Variants in WDR47 observed in about 807,000 individuals in gnomAD.
WDR47 encodes the protein WD repeat domain 47, also known as WD repeat-containing protein 47.
Under a neutral mutation model 97.2 loss-of-function variants are expected in WDR47, and 32 were observed. That is an observed-to-expected ratio of 0.33 (90% CI 0.25 to 0.44). The LOEUF (loss-of-function observed/expected upper bound fraction) is 0.44, where lower values mean the gene tolerates loss of function less well. Ranked by LOEUF, WDR47 falls within the 20% of genes least tolerant of loss-of-function variation. The pLI, the probability that WDR47 is intolerant of heterozygous loss-of-function variation, is 1.00. For synonymous variants in WDR47, 375 were observed against 373.5 expected, an observed-to-expected ratio of 1.00 and a Z score of -0.05; for missense variants, 782 against 1,102.3, an observed-to-expected ratio of 0.71 and a Z score of 4.11.
intron 13 of WDR47, among the ~76,000 whole-genome samples, chr1:108,978,214 G>A (rs1214606106): frequency 4.7e-5 from 7 of 149,868 alleles, no homozygotes; most frequent in East Asian, 2.0e-4. Context: ...GGTGGCTCAC[G>A]CCTGTAATCC....
At chr1:108,972,991 T>C (rs1657590242) in intron 14 of WDR47, among the ~76,000 whole-genome samples, 1 of 151,462 alleles carries the variant, frequency 6.6e-6, no homozygotes, top group Non-Finnish European at 1.5e-5. Context: ...CTCTGATTTA[T>C]TCTTCTGTGT....
intron 3 of WDR47, 143 bp from the exon 4 acceptor site, chr1:109,014,068 T>C (rs1571220708): frequency 3.5e-6 from 2 of 569,804 alleles, no homozygotes; most frequent in East Asian, 5.7e-5. Context: ...ATAACTGAAG[T>C]TCAGTCACAA....
At position 108,971,276 on chromosome 1, in the gene WDR47, C is replaced by G. The variant is rs1176947955; in HGVS notation, c.*154G>C. The G allele has an allele frequency of 2.9e-6, 3 of 1,028,174 alleles. No homozygotes were observed. In the South Asian group the frequency reaches 5.1e-5, roughly 17 times the overall value. 63.7% of individuals were successfully genotyped at this position (1,028,174 alleles called of 1,614,324 possible). On this transcript the variant is annotated 3_prime_UTR_variant, in exon 15 of 15. Transcript: ENST00000369962. ...TGAAAGCACTGCGGAATAACACCAC[C>G]CAACACCTCCTATCAGTGGGATACA...
intron 13 of WDR47, among the ~76,000 whole-genome samples, chr1:108,978,213 C>A (rs1292171318): frequency 6.6e-6 from 1 of 150,800 alleles, no homozygotes; most frequent in African/African-American, 2.4e-5. Context: ...CGGTGGCTCA[C>A]GCCTGTAATC....
chr1:108,980,535 C>G (rs181297652), intron 13 of WDR47, among the ~76,000 whole-genome samples: 2 of 151,970 alleles, frequency 1.3e-5, no homozygotes, highest in Admixed American at 6.6e-5. Context: ...TTGAGACCAG[C>G]CTGGCCAATA....
rs774124395 is a variant in WDR47, at chr1:109,004,574, A to ATT, written c.1254+17_1254+18insAA. 1.2e-6 allele frequency: 2 copies of ATT among 1,601,226 alleles called. No homozygotes were observed. Among genetic ancestry groups the ATT allele is most frequent in the Admixed American group, 3.5e-5 (2 of 56,452 alleles). Reference sequence around the variant, plus strand: ...AAAGAGAATAACTCTGAAAAACACTAGGTTTAGTAAATATTACCTCATTTT... The same window carrying ATT: ...AAAGAGAATAACTCTGAAAAACACTATTGGTTTAGTAAATATTACCTCATTTT... On this transcript the variant is annotated intron_variant, in intron 6 of 14. Coordinates refer to ENST00000369962, the MANE Select transcript of WDR47 (RefSeq NM_001142551.2).
chr1:108,989,390 T>C (rs1467695932), intron 9 of WDR47, among the ~76,000 whole-genome samples: 1 of 152,264 alleles, frequency 6.6e-6, no homozygotes, highest in Non-Finnish European at 1.5e-5. Flanking sequence ...CCTTTATTCA[T>C]GCAATACATC....
rs1314340193 is a variant in WDR47 at position 109,042,064 on chromosome 1, C to G, written c.-212G>C. On this transcript the variant is annotated 5_prime_UTR_variant, in exon 1 of 15. Transcript: ENST00000369962. ...CCGTCCTTCTCACGTCCGCCCCTCC[C>G]GGCCCAGCGACTCCTCAGCTCAGCC... 1 of 152,472 alleles carries G rather than the reference C, an allele frequency of 6.6e-6. No individual in the cohort carries two copies. The highest frequency in any genetic ancestry group is 1.5e-5 in the Non-Finnish European group (1 of 68,266). 9.4% of individuals were successfully genotyped at this position (152,472 alleles called of 1,614,324 possible). A position where few individuals can be genotyped will look rare whatever the true frequency, so the allele number is the denominator to read the frequency against.
At position 108,983,435 on chromosome 1, in the gene WDR47, T is replaced by G; in HGVS notation, c.1942A>C (p.Lys648Gln). The change falls in exon 11 of 15, where the codon AAG (lysine) becomes CAG (glutamine). Residue 648 changes from lysine to glutamine, a missense_variant. Lys to Gln is a moderately conservative substitution (Grantham distance 53). Transcript: ENST00000369962. ...CTTTTAAAACGTACCACCGGCTGCTTAGGAGTCTCATGTGCACTGAAAAGA... is the reference window on the plus strand; with the variant it reads ...CTTTTAAAACGTACCACCGGCTGCTGAGGAGTCTCATGTGCACTGAAAAGA... Reference protein sequence around the residue: ...VIDPSAHETPKQPVVRFKRNK... With the variant: ...VIDPSAHETPQQPVVRFKRNK... The G allele has an allele frequency of 1.3e-6, 2 of 1,598,940 alleles. No homozygotes were observed. The highest frequency in any genetic ancestry group is 1.7e-6 in the Non-Finnish European group (2 of 1,173,030).
Position 108,970,453 on chromosome 1 carries a change from GA to G in WDR47, c.*976del, listed in dbSNP as rs1341026853. The G allele has an allele frequency of 6.6e-6, 1 of 152,544 alleles. No homozygotes were observed. The highest frequency in any genetic ancestry group is 1.5e-5 in the Non-Finnish European group (1 of 68,020). 9.4% of individuals were successfully genotyped at this position (152,544 alleles called of 1,614,324 possible). On this transcript the variant is annotated 3_prime_UTR_variant, in exon 15 of 15. Transcript: ENST00000369962. ...AAATGTTAGAATCTACAAAGCTGTA[GA>G]AATAAAATCATTATTCTGCATTACA...
rs765698510 is a variant in WDR47 at position 109,023,471 on chromosome 1, G to A, written c.42C>T (p.Ile14=). The change falls in exon 2 of 15, where the codon ATC becomes ATT. Residue 14 remains isoleucine (I), a synonymous_variant. Transcript: ENST00000369962. ...TCAGGAAGTCCAAAATTAGCTTAATGATTTCAACCTCTTTTACATTCACTG... is the reference window on the plus strand; with the variant it reads ...TCAGGAAGTCCAAAATTAGCTTAATAATTTCAACCTCTTTTACATTCACTG... ...EETVNVKEVE[I]IKLILDFLNS... 1 of 1,613,614 alleles carries A rather than the reference G, an allele frequency of 6.2e-7. No homozygotes were observed. Among genetic ancestry groups the A allele is most frequent in the Admixed American group, 1.7e-5 (1 of 59,984 alleles).
At chr1:108,986,431 A>G (rs1436099212) in intron 10 of WDR47, 92 bp downstream of exon 10, 1 of 1,136,546 alleles carries the variant, frequency 8.8e-7, no homozygotes, top group East Asian at 2.5e-5. Context: ...GTAAGATTTG[A>G]AACACTACTG....
chr1:108,974,181 C>CGA (rs971612908), intron 14 of WDR47, among the ~76,000 whole-genome samples: 1 of 151,078 alleles, frequency 6.6e-6, no homozygotes, highest in Non-Finnish European at 1.5e-5. Context: ...GGCGACAGAG[C>CGA]GAGACCCTGT....
At chr1:109,030,064 A>C (rs1662511247) in intron 1 of WDR47, 1 of 610,006 alleles carries the variant, frequency 1.6e-6, no homozygotes, top group Non-Finnish European at 2.7e-6. Flanking sequence ...CCACAGGAGA[A>C]CATGCCTCTC....
intron 6 of WDR47, among the ~76,000 whole-genome samples, chr1:109,002,667 A>T (rs1362558121): frequency 6.6e-6 from 1 of 152,238 alleles, no homozygotes; most frequent in Non-Finnish European, 1.5e-5. Flanking sequence ...AATACAAATT[A>T]TAATGGTTAC....
chr1:109,002,451 AAT>A (rs770614704), intron 6 of WDR47, 49 bp from the exon 7 acceptor site: 1 of 1,375,704 alleles, frequency 7.3e-7, no homozygotes, highest in East Asian at 2.5e-5. Context: ...ACTATGACAG[AAT>A]ATATCTTAAC....
intron 7 of WDR47, among the ~76,000 whole-genome samples, chr1:108,999,464 G>A (rs1397390009): frequency 6.6e-6 from 1 of 151,952 alleles, no homozygotes; most frequent in African/African-American, 2.4e-5. Flanking sequence ...AGCACTTTAG[G>A]AGGTCGAGGC....
chr1:109,031,595 A>C (rs1662606142), intron 1 of WDR47, among the ~76,000 whole-genome samples: 1 of 138,782 alleles, frequency 7.2e-6, no homozygotes. Flanking sequence ...TGAATTTTGT[A>C]CCATGGACAA....
chr1:108,995,223 G>T (rs1252698441), intron 8 of WDR47, among the ~76,000 whole-genome samples: 1 of 152,142 alleles, frequency 6.6e-6, no homozygotes, highest in Non-Finnish European at 1.5e-5. Flanking sequence ...ATCTTTCTAT[G>T]CCCTGAAAGT....
Sources: gnomAD v4.1 joint callset for allele counts (sites outside exome capture counted in the v4.1 genomes callset) on GRCh38, gnomAD v4.1.1 for gene constraint, MANE v1.5 for transcripts, NCBI Gene and HGNC (gene_info 2026-07-23, HGNC 2026-07-21) for gene names.